The following CEP164 variants were observed in gnomAD, a reference collection of about 807,000 sequenced individuals.
CEP164 encodes centrosomal protein of 164 kDa.
A neutral mutation model predicts 182.7 loss-of-function variants in CEP164; 162 were observed. The ratio of observed to expected loss-of-function variants is 0.89; its 90% CI spans 0.78 to 1.01. CEP164 has a LOEUF of 1.01. CEP164 is among the 50% of genes least tolerant of loss of function. CEP164 has a pLI of 0.00. For missense variants in CEP164, 1,735 were observed against 1,790.4 expected (o/e 0.97, Z 0.56); for synonymous variants, 661 against 690.0 (o/e 0.96, Z 0.66).
chr11:117,395,258 C>A, intron 23 of CEP164, 67 bp downstream of exon 23: 1 of 1,566,238 alleles, frequency 6.4e-7, no homozygotes. Context: ...CTCCCTGTTC[C>A]CCACATTTTG....
At chr11:117,380,161 G>A (rs2043166875) in intron 11 of CEP164, among the ~76,000 whole-genome samples, 1 of 152,036 alleles carries the variant, frequency 6.6e-6, no homozygotes, top group Admixed American at 6.5e-5. Context: ...GTGCTTGCCT[G>A]TGGCCCCCGA....
In CEP164 at chr11:117,381,802, G is replaced by T; in HGVS notation, c.1511G>T (p.Trp504Leu). 2 of 1,567,038 alleles carry T rather than the reference G, an allele frequency of 1.3e-6. No individual in the cohort carries two copies. The highest frequency in any genetic ancestry group is 8.7e-7 in the Non-Finnish European group (1 of 1,155,406). Residue 504 changes from tryptophan (W) to leucine (L), a missense_variant, in exon 13 of 33, where the codon TGG becomes TTG. Coordinates refer to ENST00000278935, the MANE Select transcript of CEP164 (RefSeq NM_014956.5). Reference protein sequence around the residue: ...PPQGPEGQPEWKEAEELGEDS... With the variant: ...PPQGPEGQPELKEAEELGEDS... ...CAGGGCCCCGAGGGGCAGCCCGAGT[G>T]GAAGGAGGCAGAGGAGCTTGGGGAG...
intron 3 of CEP164, among the ~76,000 whole-genome samples, chr11:117,339,999 G>A (rs1157640075): frequency 6.6e-6 from 1 of 151,918 alleles, no homozygotes; most frequent in Admixed American, 6.6e-5. Flanking sequence ...AAGCTCTAGG[G>A]CCTGTACTTT....
chr11:117,330,885 TC>T (rs1304497715), intron 1 of CEP164, among the ~76,000 whole-genome samples: 3 of 152,222 alleles, frequency 2.0e-5, no homozygotes, highest in African/African-American at 7.2e-5. Context: ...GTTAGTACTC[TC>T]ATTTTATAGA....
upstream of CEP164, among the ~76,000 whole-genome samples, chr11:117,325,789 A>G (rs2035406905): frequency 6.6e-6 from 1 of 152,206 alleles, no homozygotes; most frequent in African/African-American, 2.4e-5. Flanking sequence ...TTTAAATTTA[A>G]ACATGATGAC....
chr11:117,372,744 G>A (rs2042343972), intron 9 of CEP164, among the ~76,000 whole-genome samples: 1 of 152,128 alleles, frequency 6.6e-6, no homozygotes, highest in Admixed American at 6.5e-5. Flanking sequence ...ACATCAGTTT[G>A]GGGGCAGTCG....
chr11:117,398,824 T>G lies in CEP164; in HGVS notation c.3501+1511T>G, dbSNP rs2045820236. Among the ~76,000 whole-genome samples, 2 of 152,192 alleles carry G rather than the reference T, an allele frequency of 1.3e-5. 1 individual carries two copies. The highest frequency in any genetic ancestry group is 4.1e-4 in the South Asian group (2 of 4,828). ...GGCCCACGAAACCATTTTTTCCTCCTAGGCCTCTGGGTCTGTGATGGGAGG... is the reference window on the plus strand; with the variant it reads ...GGCCCACGAAACCATTTTTTCCTCCGAGGCCTCTGGGTCTGTGATGGGAGG... On this transcript the variant is annotated intron_variant, in intron 27 of 32. Transcript: ENST00000278935.
upstream of CEP164, among the ~76,000 whole-genome samples, chr11:117,326,013 C>T (rs1341369194): frequency 6.7e-6 from 1 of 148,850 alleles, no homozygotes; most frequent in Non-Finnish European, 1.5e-5. Context: ...TGGGTTCAAG[C>T]GATTCTCCTC....
chr11:117,348,494 T>C (rs1208138861), intron 4 of CEP164, among the ~76,000 whole-genome samples: 2 of 152,202 alleles, frequency 1.3e-5, no homozygotes, highest in Admixed American at 1.3e-4. Flanking sequence ...CTTTGATTAT[T>C]CTGGGTATTC....
rs138536460 is a variant in CEP164, at chr11:117,380,618, A to G, written c.1322A>G (p.Gln441Arg). The G allele has an allele frequency of 1.0e-5, 16 of 1,599,262 alleles. No individual in the cohort carries two copies. In the African/African-American group the frequency reaches 2.1e-4, roughly 21 times the overall value. Residue 441 changes from glutamine (Q) to arginine (R), a missense_variant, in exon 12 of 33, where the codon CAG (glutamine) becomes CGG (arginine). Coordinates refer to ENST00000278935, the MANE Select transcript of CEP164 (RefSeq NM_014956.5). The part of the protein sequence containing the change: ...PVLGGACRQA[Q>R]QPLGIEDKDD... ...TTTATTGCTTCTCTCCTACAGGCCCAGCAACCACTGGGAATAGAAGACAAG... is the reference window on the plus strand; with the variant it reads ...TTTATTGCTTCTCTCCTACAGGCCCGGCAACCACTGGGAATAGAAGACAAG...
At position 117,355,933 on chromosome 11, in the gene CEP164, G is replaced by A. The variant is rs370662457; in HGVS notation, c.393+3945G>A. 3.4e-4 allele frequency: 359 copies of A among 1,064,066 alleles called. No individual in the cohort carries two copies. The South Asian group carries it at 9.0e-3, about 27-fold the overall frequency. 65.9% of individuals were successfully genotyped at this position (1,064,066 alleles called of 1,614,324 possible). A position where few individuals can be genotyped will look rare whatever the true frequency, so the allele number is the denominator to read the frequency against. On this transcript the variant is annotated intron_variant, in intron 5 of 32. Transcript: ENST00000278935. ...AGCCTCCTGCCAGTGAGAAGAGACAGGCCCTAGGGTCTGCAGAGCTCCCTT... is the reference window on the plus strand; with the variant it reads ...AGCCTCCTGCCAGTGAGAAGAGACAAGCCCTAGGGTCTGCAGAGCTCCCTT...
rs767144417 is a variant in CEP164, at chr11:117,362,458, T to C, written c.607T>C (p.Tyr203His). The C allele has an allele frequency of 3.7e-6, 6 of 1,613,544 alleles. No homozygotes were observed. In the African/African-American group the frequency reaches 4.0e-5, roughly 11 times the overall value. Residue 203 changes from tyrosine (Y) to histidine (H), a missense_variant, in exon 7 of 33, where the codon TAT becomes CAT. By Grantham distance (83) the Tyr-to-His change is moderately conservative. Coordinates refer to ENST00000278935, the MANE Select transcript of CEP164 (RefSeq NM_014956.5). ...AYTKGLLGSI[Y>H]EDKTALSLLG... ...TACAAAGGGTCTCTTGGGCTCCATA[T>C]ATGAGGACAAGACTGCTCTCAGCCT...
chr11:117,323,636 G>A (rs911966972), upstream of CEP164, among the ~76,000 whole-genome samples: 26 of 152,168 alleles, frequency 1.7e-4, no homozygotes, highest in Admixed American at 1.7e-3. Context: ...TGGATTGTGT[G>A]GTAGTTCTAT....
At position 117,393,037 on chromosome 11, in the gene CEP164, G is replaced by A. The variant is rs566117718; in HGVS notation, c.2527G>A (p.Val843Met). 5.1e-5 allele frequency: 82 copies of A among 1,613,760 alleles called. 1 individual carries two copies. In the South Asian group the frequency reaches 8.0e-4, roughly 16 times the overall value. Residue 843 changes from valine (V) to methionine (M), a missense_variant, in exon 20 of 33, where the codon GTG becomes ATG. Transcript: ENST00000278935. ...SSLLREKRQE[V>M]EGEHERRLDK... ...TCTCCTGCGAGAGAAGCGCCAGGAA[G>A]TGGAAGGGGAGCATGAGAGGAGGTT... is the stretch of plus-strand genomic sequence containing the variant.
chr11:117,323,857 T>C (rs151277758), upstream of CEP164: 325 of 417,564 alleles, frequency 7.8e-4, 1 homozygote, highest in African/African-American at 4.9e-3. Flanking sequence ...ACGTTGAACA[T>C]TTTTTCACGT....
intron 3 of CEP164, among the ~76,000 whole-genome samples, chr11:117,341,802 G>A (rs2038168852): frequency 6.6e-6 from 1 of 152,172 alleles, no homozygotes; most frequent in Non-Finnish European, 1.5e-5. Context: ...CTTTGCACCT[G>A]TGCTTCTTCT....
chr11:117,359,310 C>T (rs367730535), intron 5 of CEP164: 2 of 643,360 alleles, frequency 3.1e-6, no homozygotes, highest in African/African-American at 4.0e-5. Context: ...ATGGCAGAGC[C>T]AGTCTCAGGT....
At position 117,394,978 on chromosome 11, in the gene CEP164, C is replaced by T; in HGVS notation, c.2819C>T (p.Ala940Val). ...DLETRAKDVK[A>V]RLALLEVQEE... ...GAAACCAGAGCTAAAGATGTCAAGGCCAGATTGGCTCTGCTGGAGGTCCAG... is the reference window on the plus strand; with the variant it reads ...GAAACCAGAGCTAAAGATGTCAAGGTCAGATTGGCTCTGCTGGAGGTCCAG... The change falls in exon 22 of 33, where the codon GCC becomes GTC. Residue 940 changes from alanine to valine, a missense_variant. Coordinates refer to ENST00000278935, the MANE Select transcript of CEP164 (RefSeq NM_014956.5). The surrounding 1 kb of genome is among the most constrained non-coding windows in gnomAD (Gnocchi z 4.0). 2 of 1,614,152 alleles carry T rather than the reference C, an allele frequency of 1.2e-6. No individual in the cohort carries two copies. The highest frequency in any genetic ancestry group is 8.5e-7 in the Non-Finnish European group (1 of 1,180,022).
Position 117,410,834 on chromosome 11 carries a change from T to G in CEP164, c.4103T>G (p.Ile1368Ser), listed in dbSNP as rs180911439. The G allele has an allele frequency of 6.2e-7, 1 of 1,612,672 alleles. No individual in the cohort carries two copies. The highest frequency in any genetic ancestry group is 8.5e-7 in the Non-Finnish European group (1 of 1,179,258). Reference sequence around the variant, plus strand: ...TGTCCCCATGCTCTTCCAGCTGGCATCCCGCTGCTCAGCAACAGCCCCACC... The same window carrying G: ...TGTCCCCATGCTCTTCCAGCTGGCAGCCCGCTGCTCAGCAACAGCCCCACC... ...EKWRKYFPSG[I>S]PLLSNSPTPL... Residue 1368 changes from isoleucine (I) to serine (S), a missense_variant, in exon 31 of 33, where the codon ATC (isoleucine) becomes AGC (serine). By Grantham distance (142) the Ile-to-Ser change is moderately radical. Transcript: ENST00000278935.
Sources: allele counts gnomAD v4.1 joint callset (sites outside exome capture counted in the v4.1 genomes callset), GRCh38; gene constraint gnomAD v4.1.1; non-coding constraint Gnocchi (gnomAD v3.1); transcripts MANE v1.5; gene names NCBI Gene and HGNC (gene_info 2026-07-23, HGNC 2026-07-21).